Variants in ADGRA3 observed in about 807,000 individuals in gnomAD.
ADGRA3 encodes G-protein coupled receptor 125.
ADGRA3 carries 56 observed loss-of-function variants against 119.8 expected under a neutral mutation model. That is an observed-to-expected ratio of 0.47 (90% CI 0.38 to 0.58). The LOEUF (loss-of-function observed/expected upper bound fraction) is 0.58, where lower values mean the gene tolerates loss of function less well. Ranked by LOEUF, ADGRA3 falls within the 20% of genes least tolerant of loss-of-function variation. ADGRA3 has a pLI of 0.00. For missense variants in ADGRA3, 1,516 were observed against 1,649.0 expected, an observed-to-expected ratio of 0.92 and a Z score of 1.40; for synonymous variants, 607 against 623.8, an observed-to-expected ratio of 0.97 and a Z score of 0.40.
intron 16 of ADGRA3, among the ~76,000 whole-genome samples, chr4:22,396,821 A>G (rs899124269): frequency 1.4e-4 from 21 of 152,310 alleles, no homozygotes; most frequent in African/African-American, 5.1e-4. Context: ...CTAAAAACTC[A>G]TTGCAATTCC....
chr4:22,473,510 G>A (rs150228755), intron 2 of ADGRA3, among the ~76,000 whole-genome samples: 9 of 152,114 alleles, frequency 5.9e-5, no homozygotes, highest in East Asian at 1.9e-4. Flanking sequence ...TATTATCTAA[G>A]GCTGCATTCA....
At chr4:22,453,214 A>AGAG (rs1351221377) in intron 4 of ADGRA3, among the ~76,000 whole-genome samples, 2 of 88,918 alleles carry the variant, frequency 2.2e-5, no homozygotes, top group African/African-American at 3.0e-5. Context: ...AAAAAAAAAA[A>AGAG]AAAGAAAGAA....
intron 10 of ADGRA3, among the ~76,000 whole-genome samples, chr4:22,434,275 G>T (rs1380372965): frequency 6.7e-6 from 1 of 150,336 alleles, no homozygotes; most frequent in Non-Finnish European, 1.5e-5. Context: ...ATATTAGAAT[G>T]ATTCAGGAAA....
intron 12 of ADGRA3, chr4:22,420,539 T>C: frequency 3.0e-6 from 1 of 335,508 alleles, no homozygotes; most frequent in Non-Finnish European, 5.4e-6. Context: ...AACATCTTAT[T>C]GTCTTAAAAT....
chr4:22,414,644 A>G (rs1715359882), intron 12 of ADGRA3: 1 of 689,720 alleles, frequency 1.4e-6, no homozygotes. Context: ...TCCAGTTTAA[A>G]TAACACCTTG....
At chr4:22,464,375 A>T (rs2109106097) in intron 2 of ADGRA3, among the ~76,000 whole-genome samples, 1 of 152,318 alleles carries the variant, frequency 6.6e-6, no homozygotes, top group African/African-American at 2.4e-5. Context: ...CACGAAATAC[A>T]TTTAAATGGT....
chr4:22,409,319 C>CA (rs1327871579), intron 14 of ADGRA3, among the ~76,000 whole-genome samples: 1 of 152,092 alleles, frequency 6.6e-6, no homozygotes, highest in Non-Finnish European at 1.5e-5. Flanking sequence ...CCACTAGAAA[C>CA]AAACACAATA....
chr4:22,474,492 G>T (rs371578718), intron 1 of ADGRA3, among the ~76,000 whole-genome samples: 2 of 152,232 alleles, frequency 1.3e-5, no homozygotes, highest in African/African-American at 4.8e-5. Context: ...CCAAAGGTCG[G>T]ACTTGCCTGA....
rs536746578 is a variant in ADGRA3, at chr4:22,390,345, A to G, written c.2628-1162T>C. Among the ~76,000 whole-genome samples the G allele has an allele frequency of 5.2e-4, 49 of 94,814 alleles. 1 individual carries two copies. The highest frequency in any genetic ancestry group is 1.4e-3 in the South Asian group (4 of 2,956). 62.2% of individuals were successfully genotyped at this position (94,814 alleles called of 152,430 possible). On this transcript the variant is annotated intron_variant, in intron 17 of 18. Transcript: ENST00000334304. ...TTATATATATATATATATAAAATAC[A>G]TATTATATATATATAATACGTATTA...
chr4:22,505,874 A>T (rs1719218642), intron 1 of ADGRA3, among the ~76,000 whole-genome samples: 1 of 152,166 alleles, frequency 6.6e-6, no homozygotes, highest in Admixed American at 6.5e-5. Context: ...CCAAAAGAAA[A>T]GTCAAGCCCA....
chr4:22,478,030 A>T (rs1017872175), intron 1 of ADGRA3: 2 of 152,224 alleles, frequency 1.3e-5, no homozygotes, highest in African/African-American at 4.8e-5. Context: ...TGAAAAATAT[A>T]AAACTTGAGC....
intron 10 of ADGRA3, among the ~76,000 whole-genome samples, chr4:22,433,134 T>C (rs532900580): frequency 2.0e-5 from 3 of 152,186 alleles, no homozygotes. Flanking sequence ...ATCTCAATTA[T>C]TCAATCCTGA....
chr4:22,462,926 T>C (rs1717518319), intron 2 of ADGRA3, among the ~76,000 whole-genome samples: 1 of 152,182 alleles, frequency 6.6e-6, no homozygotes, highest in Non-Finnish European at 1.5e-5. Flanking sequence ...AGTGTTTGGC[T>C]AGACCTCTGT....
rs373563578 is a variant in ADGRA3 at position 22,421,542 on chromosome 4, T to C, written c.1606-453A>G. Among the ~76,000 whole-genome samples, 46 of 152,304 alleles carry C rather than the reference T, an allele frequency of 3.0e-4. 1 individual carries two copies. Among genetic ancestry groups the C allele is most frequent in the African/African-American group, 8.7e-4 (36 of 41,574 alleles). On this transcript the variant is annotated intron_variant, in intron 11 of 18. Transcript: ENST00000334304. ...ACACATCTGGCCATATTTACCTATTTCTTTCACAGGAAGATCATTAACTCT... is the reference window on the plus strand; with the variant it reads ...ACACATCTGGCCATATTTACCTATTCCTTTCACAGGAAGATCATTAACTCT...
chr4:22,454,859 T>C lies in ADGRA3; in HGVS notation c.473+7A>G, dbSNP rs1717184521. 4 of 1,605,254 alleles carry C rather than the reference T, an allele frequency of 2.5e-6. No homozygotes were observed. The highest frequency in any genetic ancestry group is 2.7e-5 in the African/African-American group (2 of 74,760). On this transcript the variant is annotated splice_region_variant and intron_variant, in intron 4 of 18. Coordinates refer to ENST00000334304, the MANE Select transcript of ADGRA3 (RefSeq NM_145290.4). ...ATCTTTTAATGGGAAAGAAAAGATA[T>C]ACTTACAGCCGAACCAGATTGGTGA...
At chr4:22,512,416 T>C (rs1478555059) in intron 1 of ADGRA3, among the ~76,000 whole-genome samples, 3 of 152,166 alleles carry the variant, frequency 2.0e-5, no homozygotes, top group Non-Finnish European at 4.4e-5. Context: ...ATGTTTTTAT[T>C]TGTATTCTGT....
intron 14 of ADGRA3, among the ~76,000 whole-genome samples, chr4:22,405,740 G>A (rs764709295): frequency 1.4e-4 from 22 of 151,980 alleles, no homozygotes; most frequent in Non-Finnish European, 2.8e-4. Context: ...TTCTCAACAT[G>A]TTTTTATTGA....
At chr4:22,513,298 T>C (rs1719516752) in intron 1 of ADGRA3, among the ~76,000 whole-genome samples, 1 of 151,184 alleles carries the variant, frequency 6.6e-6, no homozygotes, top group Non-Finnish European at 1.5e-5. Context: ...GGATTACAGG[T>C]GCACGCCACC....
At chr4:22,459,791 C>G (rs1717377277) in intron 3 of ADGRA3, among the ~76,000 whole-genome samples, 1 of 152,154 alleles carries the variant, frequency 6.6e-6, no homozygotes, top group African/African-American at 2.4e-5. Context: ...GATCTTTTGT[C>G]CCTGGTCTCC....
Sources: gnomAD v4.1 joint callset for allele counts (sites outside exome capture counted in the v4.1 genomes callset) on GRCh38, gnomAD v4.1.1 for gene constraint, MANE v1.5 for transcripts, NCBI Gene and HGNC (gene_info 2026-07-23, HGNC 2026-07-21) for gene names.